The following SLC26A9 variants were observed in gnomAD, a reference collection of about 807,000 sequenced individuals.
SLC26A9 encodes the protein anion transporter/exchanger protein 9.
A neutral mutation model predicts 87.1 loss-of-function variants in SLC26A9; 46 were observed. The ratio of observed to expected loss-of-function variants is 0.53; its 90% CI spans 0.42 to 0.67. The LOEUF (loss-of-function observed/expected upper bound fraction) is 0.67, where lower values mean the gene tolerates loss of function less well. Among genes scored for constraint, SLC26A9 ranks in the 30% least tolerant of loss-of-function variants. The pLI, the probability that SLC26A9 is intolerant of heterozygous loss-of-function variation, is 0.00. For synonymous variants in SLC26A9, 437 were observed against 409.1 expected, an observed-to-expected ratio of 1.07 and a Z score of -0.82; for missense variants, 927 against 1,018.3, an observed-to-expected ratio of 0.91 and a Z score of 1.22.
chr1:205,917,371 C>T lies in SLC26A9; in HGVS notation c.2257-17G>A. On this transcript the variant is annotated splice_polypyrimidine_tract_variant and intron_variant, in intron 19 of 20. Coordinates refer to ENST00000367135, the MANE Select transcript of SLC26A9 (RefSeq NM_052934.4). The stretch of plus-strand genomic sequence containing the variant: ...CCCTGGAGCCTGGAAGGGAGGAAGC[C>T]AGTGCAGAATGAGCTTCAGTGACTG... 6.2e-7 allele frequency: 1 copy of T among 1,613,790 alleles called. No individual in the cohort carries two copies. Among genetic ancestry groups the T allele is most frequent in the Non-Finnish European group, 8.5e-7 (1 of 1,179,794 alleles).
Position 205,914,455 on chromosome 1 carries a change from C to G in SLC26A9, c.*902G>C, listed in dbSNP as rs868641972. On this transcript the variant is annotated 3_prime_UTR_variant, in exon 21 of 21. Coordinates refer to ENST00000367135, the MANE Select transcript of SLC26A9 (RefSeq NM_052934.4). ...TGTGTTGGTACTAGCACCCTCTTCC[C>G]CTCTGAGTCTCTGGGTGCAAAGAGG... 5.8e-6 allele frequency: 1 copy of G among 171,824 alleles called. No homozygotes were observed. The highest frequency in any genetic ancestry group is 2.4e-5 in the African/African-American group (1 of 41,986). The allele number at this position is 171,824 out of a possible 1,614,324, so 10.6% of individuals were successfully genotyped here. A position where few individuals can be genotyped will look rare whatever the true frequency, so the allele number is the denominator to read the frequency against.
intron 12 of SLC26A9, among the ~76,000 whole-genome samples, chr1:205,925,920 TAA>T (rs1358675329): frequency 2.0e-5 from 3 of 152,298 alleles, no homozygotes; most frequent in African/African-American, 7.2e-5. Context: ...ATCAGGACAA[TAA>T]GTCATGTTTG....
intron 1 of SLC26A9, among the ~76,000 whole-genome samples, chr1:205,936,970 T>C (rs1263979130): frequency 3.3e-5 from 5 of 152,202 alleles, no homozygotes; most frequent in Non-Finnish European, 7.3e-5. Flanking sequence ...ATGGTCAGCA[T>C]TACTTTTCAA....
In SLC26A9 at chr1:205,927,989, G is replaced by T. The variant is rs1459283936; in HGVS notation, c.1014C>A (p.Phe338Leu). 1 of 1,614,186 alleles carries T rather than the reference G, an allele frequency of 6.2e-7. No individual in the cohort carries two copies. The stretch of plus-strand genomic sequence containing the variant: ...TGACGTAGCTCACGATGGCTAGGGA[G>T]AAGGCTGTGCCTATCATGTCCTTCC... ...SQWKDMIGTA[F>L]SLAIVSYVIN... Residue 338 changes from phenylalanine (F) to leucine (L), a missense_variant, in exon 9 of 21, where the codon TTC becomes TTA. Coordinates refer to ENST00000367135, the MANE Select transcript of SLC26A9 (RefSeq NM_052934.4).
At chr1:205,942,419 CCT>C (rs1659785532) in intron 1 of SLC26A9, among the ~76,000 whole-genome samples, 1 of 152,196 alleles carries the variant, frequency 6.6e-6, no homozygotes, top group Admixed American at 6.5e-5. Flanking sequence ...GGGGGAAAGC[CCT>C]CTCTCAGTCT....
rs1160099233 is a variant in SLC26A9, at chr1:205,918,704, A to G, written c.2256+136T>C. On this transcript the variant is annotated intron_variant, in intron 19 of 20. Coordinates refer to ENST00000367135, the MANE Select transcript of SLC26A9 (RefSeq NM_052934.4). ...ATGGTGCTCATTCTATAGATAAGGAAACAGATTCAGAAAACTGAAATGGCA... is the reference window on the plus strand; with the variant it reads ...ATGGTGCTCATTCTATAGATAAGGAGACAGATTCAGAAAACTGAAATGGCA... The G allele has an allele frequency of 6.1e-6, 7 of 1,146,862 alleles. No homozygotes were observed. The East Asian group carries it at 1.4e-4, about 23-fold the overall frequency. 71.0% of individuals were successfully genotyped at this position (1,146,862 alleles called of 1,614,324 possible). A position where few individuals can be genotyped will look rare whatever the true frequency, so the allele number is the denominator to read the frequency against.
chr1:205,928,733 T>G, intron 8 of SLC26A9, 94 bp downstream of exon 8: 2 of 1,225,318 alleles, frequency 1.6e-6, no homozygotes, highest in Non-Finnish European at 2.4e-6. Context: ...TCGACTGCAC[T>G]TTCATAGAGT....
chr1:205,929,843 T>C, intron 6 of SLC26A9, 49 bp downstream of exon 6: 2 of 1,540,046 alleles, frequency 1.3e-6, no homozygotes, highest in Non-Finnish European at 1.8e-6. Flanking sequence ...CCTCCTCATG[T>C]GTCTGCTGGA....
intron 9 of SLC26A9, 111 bp downstream of exon 9, chr1:205,927,791 C>G (rs1394288865): frequency 4.6e-6 from 7 of 1,528,566 alleles, no homozygotes; most frequent in Non-Finnish European, 3.5e-6. Context: ...ATCCCCCACA[C>G]TCGAGGCAGC....
At chr1:205,920,554 G>T (rs1216065530) in intron 17 of SLC26A9, among the ~76,000 whole-genome samples, 1 of 152,154 alleles carries the variant, frequency 6.6e-6, no homozygotes, top group Non-Finnish European at 1.5e-5. Context: ...AGGCTGGAGT[G>T]CAGTGGCGTG....
chr1:205,932,844 GC>G, intron 3 of SLC26A9, 32 bp from the exon 4 acceptor site: 1 of 1,591,160 alleles, frequency 6.3e-7, no homozygotes, highest in Non-Finnish European at 8.6e-7. Flanking sequence ...AAGCTCAGCA[GC>G]ATGACTAGCT....
At chr1:205,932,662 G>T (rs1659352403) in intron 4 of SLC26A9, 40 bp downstream of exon 4, 1 of 1,491,872 alleles carries the variant, frequency 6.7e-7, no homozygotes, top group Non-Finnish European at 9.0e-7. Flanking sequence ...CATCCTTGGG[G>T]TCTGGGTCAT....
chr1:205,920,271 T>C (rs761174851), intron 17 of SLC26A9, 41 bp from the exon 18 acceptor site: 5 of 1,611,854 alleles, frequency 3.1e-6, no homozygotes, highest in South Asian at 1.1e-5. Context: ...AGGAAAGGAA[T>C]GTTCTGAGTG....
chr1:205,932,548 A>T (rs540820049), intron 4 of SLC26A9, among the ~76,000 whole-genome samples, 154 bp downstream of exon 4: 2 of 152,294 alleles, frequency 1.3e-5, no homozygotes, highest in Admixed American at 6.5e-5. Flanking sequence ...GTCACCGAGG[A>T]CCTGGAAATG....
chr1:205,916,906 G>A (rs1658614769), intron 20 of SLC26A9, among the ~76,000 whole-genome samples: 1 of 152,042 alleles, frequency 6.6e-6, no homozygotes, highest in South Asian at 2.1e-4. Context: ...TTCGAGACCA[G>A]CCCAGCCAAC....
rs113527464 is a variant in SLC26A9 at position 205,915,518 on chromosome 1, C to CTGTGTGTG, written c.2329-122_2329-115dup. The CTGTGTGTG allele has an allele frequency of 5.3e-3, 4,568 of 869,748 alleles. 48 individuals are homozygous for CTGTGTGTG. The highest frequency in any genetic ancestry group is 0.043 in the African/African-American group (2,440 of 57,292). 53.9% of individuals were successfully genotyped at this position (869,748 alleles called of 1,614,324 possible). On this transcript the variant is annotated intron_variant, in intron 20 of 20. Coordinates refer to ENST00000367135, the MANE Select transcript of SLC26A9 (RefSeq NM_052934.4). ...GGAACCCCTGGCCAGAACAAAGCAC[C>CTGTGTGTG]TGTGTGTGTGTGTGTGTGTGTGTGT...
chr1:205,929,979 G>C lies in SLC26A9; in HGVS notation c.630C>G (p.Ala210=), dbSNP rs749779775. The change falls in exon 6 of 21, where the codon GCC becomes GCG. Residue 210 remains alanine (A), a synonymous_variant. Coordinates refer to ENST00000367135, the MANE Select transcript of SLC26A9 (RefSeq NM_052934.4). ...SESFIRGFMT[A]AGLQILISVL... is the part of the protein sequence containing the mutation. Reference sequence around the variant, plus strand: ...CCGAAATCAGGATCTGCAGGCCGGCGGCCGTCATGAAGCCCCGGATGAAGG... The same window carrying C: ...CCGAAATCAGGATCTGCAGGCCGGCCGCCGTCATGAAGCCCCGGATGAAGG... 1 of 1,613,806 alleles carries C rather than the reference G, an allele frequency of 6.2e-7. No homozygotes were observed. Among genetic ancestry groups the C allele is most frequent in the African/African-American group, 1.3e-5 (1 of 74,916 alleles).
chr1:205,930,324 C>A, intron 5 of SLC26A9: 1 of 298,412 alleles, frequency 3.4e-6, no homozygotes, highest in South Asian at 1.4e-4. Context: ...CTAGTCCTCC[C>A]CCAGTGTTTT....
At chr1:205,919,149 C>T (rs558041306) in intron 18 of SLC26A9, among the ~76,000 whole-genome samples, 164 bp from the exon 19 acceptor site, 16 of 152,260 alleles carry the variant, frequency 1.1e-4, no homozygotes, top group African/African-American at 2.2e-4. Flanking sequence ...CAGTTTTGGA[C>T]GGCAGAGGGC....
Sources: gnomAD v4.1 joint callset for allele counts (sites outside exome capture counted in the v4.1 genomes callset) on GRCh38, gnomAD v4.1.1 for gene constraint, MANE v1.5 for transcripts, NCBI Gene and HGNC (gene_info 2026-07-23, HGNC 2026-07-21) for gene names.